The following RSU1 variants were observed in gnomAD, a reference collection of about 807,000 sequenced individuals.
RSU1 encodes the protein Ras suppressor protein 1.
Under a neutral mutation model 31.1 loss-of-function variants are expected in RSU1, and 26 were observed. The ratio of observed to expected loss-of-function variants is 0.84; its 90% CI spans 0.61 to 1.16. RSU1 has a LOEUF of 1.16. Among genes scored for constraint, RSU1 ranks in the 50% most tolerant of loss-of-function variants. The pLI, the probability that RSU1 is intolerant of heterozygous loss-of-function variation, is 0.00. For missense variants in RSU1, 320 were observed against 339.1 expected (o/e 0.94, Z 0.44); for synonymous variants, 164 against 136.3 (o/e 1.20, Z -1.41).
chr10:16,750,566 C>G (rs1228280467), intron 7 of RSU1, among the ~76,000 whole-genome samples: 1 of 152,118 alleles, frequency 6.6e-6, no homozygotes, highest in Non-Finnish European at 1.5e-5. Flanking sequence ...TGGCAAATTA[C>G]TGTCTGATAA....
chr10:16,693,079 CAG>C lies in RSU1; in HGVS notation c.731+1942_731+1943del, dbSNP rs377681647. Reference sequence around the variant, plus strand: ...CCTGGCTCAAGCGATTCTTGTGCCTCAGCCTCCTGAATAGCTAGGATTACAGG... The same window carrying C: ...CCTGGCTCAAGCGATTCTTGTGCCTCCCTCCTGAATAGCTAGGATTACAGG... On this transcript the variant is annotated intron_variant, in intron 8 of 8. Coordinates refer to ENST00000345264, the MANE Select transcript of RSU1 (RefSeq NM_012425.4). Among the ~76,000 whole-genome samples the C allele has an allele frequency of 5.0e-3, 756 of 152,304 alleles. 9 individuals carry two copies. Among genetic ancestry groups the C allele is most frequent in the African/African-American group, 0.016 (675 of 41,552 alleles).
intron 8 of RSU1, among the ~76,000 whole-genome samples, chr10:16,620,556 TA>T (rs148278416): frequency 0.028 from 3,705 of 133,610 alleles, 59 homozygotes; most frequent in Middle Eastern, 0.051. Flanking sequence ...TACAAAATGT[TA>T]AAAAAAAAAA....
intron 8 of RSU1, among the ~76,000 whole-genome samples, chr10:16,688,227 T>C (rs1054205782): frequency 6.6e-6 from 1 of 152,174 alleles, no homozygotes; most frequent in Non-Finnish European, 1.5e-5. Flanking sequence ...AAATGCAACA[T>C]ATTTTCTTGC....
chr10:16,778,948 A>G (rs777982865), intron 3 of RSU1, among the ~76,000 whole-genome samples: 3 of 152,216 alleles, frequency 2.0e-5, no homozygotes, highest in Non-Finnish European at 4.4e-5. Context: ...AGGATCTTCA[A>G]TCTGAAACTC....
At chr10:16,752,313 A>G (rs915322102) in intron 7 of RSU1, among the ~76,000 whole-genome samples, 3 of 152,134 alleles carry the variant, frequency 2.0e-5, no homozygotes, top group Non-Finnish European at 4.4e-5. Context: ...TTTCATCAGC[A>G]GTTTCTAAGA....
Position 16,695,127 on chromosome 10 carries a change from C to T in RSU1, c.627G>A (p.Gln209=). The T allele has an allele frequency of 6.3e-6, 10 of 1,599,294 alleles. No homozygotes were observed. The highest frequency in any genetic ancestry group is 8.5e-6 in the Non-Finnish European group (10 of 1,174,170). The change falls in exon 8 of 9, where the codon CAG becomes CAA. Residue 209 remains glutamine (Q), a synonymous_variant. Transcript: ENST00000345264. ...AGGGATTGTTCTCTGCTTTGAATAC[C>T]TGCTTCTGGCCAGTTAAATCCAAGT... ...LGNLDLTGQK[Q]VFKAENNPWV... is the part of the protein sequence containing the mutation.
chr10:16,621,648 T>A (rs1033661986), intron 8 of RSU1, among the ~76,000 whole-genome samples: 1 of 152,146 alleles, frequency 6.6e-6, no homozygotes, highest in Admixed American at 6.6e-5. Flanking sequence ...CAAAGGCACA[T>A]CTTACATGGC....
chr10:16,690,800 G>A lies in RSU1; in HGVS notation c.731+4223C>T, dbSNP rs189742740. Among the ~76,000 whole-genome samples the A allele has an allele frequency of 1.1e-4, 17 of 152,218 alleles. 1 individual carries two copies. The highest frequency in any genetic ancestry group is 7.8e-4 in the Admixed American group (12 of 15,294). On this transcript the variant is annotated intron_variant, in intron 8 of 8. Coordinates refer to ENST00000345264, the MANE Select transcript of RSU1 (RefSeq NM_012425.4). ...TTAGTTCTTTATTCCTCTCATTTAG[G>A]TAATGGGTTAACTGGTTAGAAAAAA...
At chr10:16,710,281 T>C (rs1835989874) in intron 7 of RSU1, among the ~76,000 whole-genome samples, 1 of 152,222 alleles carries the variant, frequency 6.6e-6, no homozygotes, top group South Asian at 2.1e-4. Context: ...TTTTTGTCTC[T>C]TTTTGTTAAT....
At chr10:16,751,445 C>T (rs1836978472) in intron 7 of RSU1, among the ~76,000 whole-genome samples, 1 of 152,218 alleles carries the variant, frequency 6.6e-6, no homozygotes, top group Non-Finnish European at 1.5e-5. Context: ...ACTAATATGG[C>T]TGCCAACAGA....
intron 8 of RSU1, among the ~76,000 whole-genome samples, chr10:16,668,272 G>A (rs1433979811): frequency 6.6e-6 from 1 of 152,122 alleles, no homozygotes; most frequent in Non-Finnish European, 1.5e-5. Context: ...TGAGATGTGG[G>A]GGCAGTGATC....
Position 16,738,743 on chromosome 10 carries a change from C to A in RSU1, c.598+13796G>T, listed in dbSNP as rs529438614. ...TTCCAGGATACCTATGCAGAACTTG[C>A]AGGTTTGTTACGTACATATACACGT... On this transcript the variant is annotated intron_variant, in intron 7 of 8. Coordinates refer to ENST00000345264, the MANE Select transcript of RSU1 (RefSeq NM_012425.4). 2.0e-5 allele frequency among the ~76,000 whole-genome samples: 3 copies of A among 152,106 alleles called. No homozygotes were observed. In the South Asian group the frequency reaches 6.2e-4, roughly 32 times the overall value.
intron 7 of RSU1, among the ~76,000 whole-genome samples, chr10:16,744,304 G>C (rs996384820): frequency 1.8e-4 from 27 of 152,206 alleles, no homozygotes; most frequent in African/African-American, 6.3e-4. Flanking sequence ...ATGTAGACAA[G>C]TGACAAATGC....
rs757675861 is a variant in RSU1 at position 16,695,049 on chromosome 10, C to T, written c.705G>A (p.Glu235=). 11 of 1,612,690 alleles carry T rather than the reference C, an allele frequency of 6.8e-6. No individual in the cohort carries two copies. The highest frequency in any genetic ancestry group is 1.1e-5 in the South Asian group (1 of 91,016). Residue 235 remains glutamate (E), a synonymous_variant, in exon 8 of 9, where the codon GAG becomes GAA. Coordinates refer to ENST00000345264, the MANE Select transcript of RSU1 (RefSeq NM_012425.4). ...ATTTGTATGTCTCAGAACGGATATA[C>T]TCAAAAACATGGGACACGCCAAGCT... ...QFQLGVSHVF[E]YIRSETYKYL...
chr10:16,678,503 G>A (rs1835272430), intron 8 of RSU1, among the ~76,000 whole-genome samples: 1 of 152,094 alleles, frequency 6.6e-6, no homozygotes, highest in African/African-American at 2.4e-5. Flanking sequence ...CTGATCAAAG[G>A]GAGACTAAAA....
At chr10:16,759,443 G>A (rs1000252036) in intron 4 of RSU1, among the ~76,000 whole-genome samples, 3 of 152,182 alleles carry the variant, frequency 2.0e-5, no homozygotes, top group South Asian at 4.1e-4. Flanking sequence ...GGAGGCATAG[G>A]TTGCAGTGAG....
In RSU1 at chr10:16,593,102, T is replaced by G; in HGVS notation, c.*292A>C. On this transcript the variant is annotated 3_prime_UTR_variant, in exon 9 of 9. Coordinates refer to ENST00000345264, the MANE Select transcript of RSU1 (RefSeq NM_012425.4). ...TTTGATAATAAGCAACCTTGTGATA[T>G]CTATTCAAGAAAAGCCAGAGCCCAC... 1 of 284,312 alleles carries G rather than the reference T, an allele frequency of 3.5e-6. No homozygotes were observed. Among genetic ancestry groups the G allele is most frequent in the Non-Finnish European group, 6.5e-6 (1 of 153,936 alleles). 17.6% of individuals were successfully genotyped at this position (284,312 alleles called of 1,614,324 possible).
chr10:16,724,877 C>T (rs182925793), intron 7 of RSU1, among the ~76,000 whole-genome samples: 2 of 152,162 alleles, frequency 1.3e-5, no homozygotes, highest in Admixed American at 6.5e-5. Context: ...ATGCAACAAT[C>T]GGGATCAATC....
At chr10:16,683,634 G>A (rs963605194) in intron 8 of RSU1, among the ~76,000 whole-genome samples, 1 of 152,148 alleles carries the variant, frequency 6.6e-6, no homozygotes, top group Admixed American at 6.5e-5. Context: ...AAAAAGAGGA[G>A]AAACTCTGTA....
Sources: gnomAD v4.1 joint callset for allele counts (sites outside exome capture counted in the v4.1 genomes callset) on GRCh38, gnomAD v4.1.1 for gene constraint, MANE v1.5 for transcripts, NCBI Gene and HGNC (gene_info 2026-07-23, HGNC 2026-07-21) for gene names.